Variants in IGHMBP2 observed in about 807,000 individuals in gnomAD.
The protein encoded by IGHMBP2 is immunoglobulin mu DNA binding protein 2.
A neutral mutation model predicts 96.0 loss-of-function variants in IGHMBP2; 81 were observed. The ratio of observed to expected loss-of-function variants is 0.84; its 90% CI spans 0.71 to 1.01. IGHMBP2 has a LOEUF of 1.01. IGHMBP2 is among the 50% of genes least tolerant of loss of function. IGHMBP2 has a pLI of 0.00. For missense variants in IGHMBP2, 1,227 were observed against 1,306.3 expected (o/e 0.94, Z 0.94); for synonymous variants, 557 against 548.9 (o/e 1.01, Z -0.21).
chr11:68,938,680 C>A (rs1859643125), intron 14 of IGHMBP2, among the ~76,000 whole-genome samples: 1 of 152,110 alleles, frequency 6.6e-6, no homozygotes, highest in South Asian at 2.1e-4. Context: ...GCAGAGCCTC[C>A]AGCCCGTCAT....
At chr11:68,919,415 A>C (rs1182469935) in intron 7 of IGHMBP2, among the ~76,000 whole-genome samples, 1 of 152,208 alleles carries the variant, frequency 6.6e-6, no homozygotes, top group African/African-American at 2.4e-5. Flanking sequence ...GGCTCCCTGC[A>C]TGTGCCACTG....
chr11:68,914,924 C>T lies in IGHMBP2; in HGVS notation c.813C>T (p.Leu271=), dbSNP rs199619824. 2 of 1,614,208 alleles carry T rather than the reference C, an allele frequency of 1.2e-6. No homozygotes were observed. The highest frequency in any genetic ancestry group is 2.2e-5 in the South Asian group (2 of 91,090). The part of the protein sequence containing the change: ...RILRLGHPAR[L]LESIQQHSLD... ...TGCGCCTGGGACACCCTGCCCGCCT[C>T]CTGGAGTCCATTCAGCAGCACTCCC... The change falls in exon 6 of 15, where the codon CTC becomes CTT. Residue 271 remains leucine, a synonymous_variant. Coordinates refer to ENST00000255078, the MANE Select transcript of IGHMBP2 (RefSeq NM_002180.3).
intron 5 of IGHMBP2, 51 bp from the exon 6 acceptor site, chr11:68,914,772 C>T (rs371171794): frequency 1.0e-5 from 16 of 1,590,114 alleles, no homozygotes; most frequent in Non-Finnish European, 1.4e-5. Context: ...GTGTCAACTT[C>T]AGTGGTTTGA....
In IGHMBP2 at chr11:68,939,751, C is replaced by G. The variant is rs1036563483; in HGVS notation, c.*20C>G. 15 of 1,589,038 alleles carry G rather than the reference C, an allele frequency of 9.4e-6. No homozygotes were observed. The highest frequency in any genetic ancestry group is 1.8e-4 in the Middle Eastern group (1 of 5,624). The stretch of plus-strand genomic sequence containing the variant: ...ACGTGACCGGCCGCATCCTTGCACG[C>G]CCCGCGGAGCTCTCTCCATGGTAGC... On this transcript the variant is annotated 3_prime_UTR_variant, in exon 15 of 15. Transcript: ENST00000255078.
At chr11:68,905,274 A>T (rs1267457352) in intron 1 of IGHMBP2, among the ~76,000 whole-genome samples, 3 of 152,180 alleles carry the variant, frequency 2.0e-5, no homozygotes, top group Non-Finnish European at 1.5e-5. Context: ...TGATCATGGC[A>T]ATGGAGAGCT....
Position 68,936,435 on chromosome 11 carries a change from C to T in IGHMBP2, c.1955C>T (p.Ser652Phe), listed in dbSNP as rs1210485546. The T allele has an allele frequency of 3.1e-6, 5 of 1,614,018 alleles. No homozygotes were observed. In the African/African-American group the frequency reaches 5.3e-5, roughly 17 times the overall value. ...GACGATATTGTCCCAGAAAACTATT[C>T]CCATGAGAACTCCCAGGGTTCCAGC... ...YLDDIVPENY[S>F]HENSQGSSHA... The change falls in exon 13 of 15, where the codon TCC becomes TTC. Residue 652 changes from serine to phenylalanine, a missense_variant. Ser to Phe is a radical substitution (Grantham distance 155). Around this residue, in one of 3 missense-constraint regions of IGHMBP2, gnomAD observed 703 missense variants for 770.3 expected, o/e 0.91. Transcript: ENST00000255078.
At position 68,935,408 on chromosome 11, in the gene IGHMBP2, G is replaced by C. The variant is rs1859487238; in HGVS notation, c.1742G>C (p.Arg581Thr). ...EKEAVILSFV[R>T]SNRKGEVGFL... ...GAGGCCGTGATACTGTCCTTCGTCA[G>C]ATCCAACAGGAAAGGTACGGAGCCC... Residue 581 changes from arginine (R) to threonine (T), a missense_variant, in exon 12 of 15, where the codon AGA (arginine) becomes ACA (threonine). Physicochemically the swap from Arg to Thr is moderately conservative, Grantham distance 71. This residue lies in a region of IGHMBP2 where 703 missense variants were observed against 770.3 expected (regional missense o/e 0.91). Coordinates refer to ENST00000255078, the MANE Select transcript of IGHMBP2 (RefSeq NM_002180.3). 4 of 1,614,092 alleles carry C rather than the reference G, an allele frequency of 2.5e-6. No homozygotes were observed. Among genetic ancestry groups the C allele is most frequent in the Non-Finnish European group, 3.4e-6 (4 of 1,180,044 alleles).
In IGHMBP2 at chr11:68,938,179, C is replaced by T. The variant is rs1859624455; in HGVS notation, c.2612-3C>T. 6 of 1,614,020 alleles carry T rather than the reference C, an allele frequency of 3.7e-6. No homozygotes were observed. Among genetic ancestry groups the T allele is most frequent in the Non-Finnish European group, 5.1e-6 (6 of 1,180,002 alleles). On this transcript the variant is annotated splice_polypyrimidine_tract_variant and splice_region_variant and intron_variant, in intron 13 of 14. Transcript: ENST00000255078. ...TTGCCTGAGTGACGCGGGTCTTCTC[C>T]AGGACATCCGGCCACAGATCTGCCC...
At position 68,914,998 on chromosome 11, in the gene IGHMBP2, T is replaced by A. The variant is rs375554721; in HGVS notation, c.887T>A (p.Ile296Asn). 3 of 1,613,988 alleles carry A rather than the reference T, an allele frequency of 1.9e-6. No individual in the cohort carries two copies. The highest frequency in any genetic ancestry group is 1.3e-5 in the African/African-American group (1 of 74,918). Residue 296 changes from isoleucine to asparagine, a missense_variant, in exon 6 of 15, where the codon ATC becomes AAC. Around this residue, in one of 3 missense-constraint regions of IGHMBP2, gnomAD observed 507 missense variants for 496.9 expected, o/e 1.02. Transcript: ENST00000255078. ...RSDSAQIVAD[I>N]RKDIDQVFVK... The stretch of plus-strand genomic sequence containing the variant: ...GACAGTGCCCAGATTGTTGCAGATA[T>A]CAGGAAGGACATCGACCAGGTCTTT...
intron 8 of IGHMBP2, chr11:68,932,509 A>G (rs989843599): frequency 6.6e-6 from 1 of 152,104 alleles, no homozygotes; most frequent in East Asian, 1.9e-4. Context: ...CCCTTCTTAC[A>G]TGTAATATGG....
Position 68,905,816 on chromosome 11 carries a change from A to T in IGHMBP2, c.87-253A>T, listed in dbSNP as rs535480380. ...GGGGCCTGATAGGACTTAGTGACAG[A>T]TGGGAGGAGAGAGGGGAATGCTGAT... On this transcript the variant is annotated intron_variant, in intron 1 of 14. Transcript: ENST00000255078. Among the ~76,000 whole-genome samples, 82 of 152,260 alleles carry T rather than the reference A, an allele frequency of 5.4e-4. 7 individuals are homozygous for T. Among genetic ancestry groups the T allele is most frequent in the Admixed American group, 4.8e-3 (73 of 15,282 alleles).
chr11:68,917,709 G>A, intron 6 of IGHMBP2, 27 bp from the exon 7 acceptor site: 1 of 1,589,434 alleles, frequency 6.3e-7, no homozygotes, highest in East Asian at 2.2e-5. Flanking sequence ...ACTGAAGTAA[G>A]TGTATCTCCT....
chr11:68,939,690 A>C lies in IGHMBP2; in HGVS notation c.2941A>C (p.Ser981Arg). ...GCTGGATAAGAAGCTGAGTGAGCTCAGCAACCAGAGGACCAGCCGGAGGAA... is the reference window on the plus strand; with the variant it reads ...GCTGGATAAGAAGCTGAGTGAGCTCCGCAACCAGAGGACCAGCCGGAGGAA... ...RRLDKKLSEL[S>R]NQRTSRRKER... The change falls in exon 15 of 15, where the codon AGC (serine) becomes CGC (arginine). Residue 981 changes from serine (S) to arginine (R), a missense_variant. Around this residue, in one of 3 missense-constraint regions of IGHMBP2, gnomAD observed 703 missense variants for 770.3 expected, o/e 0.91. Coordinates refer to ENST00000255078, the MANE Select transcript of IGHMBP2 (RefSeq NM_002180.3). 6.2e-7 allele frequency: 1 copy of C among 1,612,538 alleles called. No homozygotes were observed. The highest frequency in any genetic ancestry group is 8.5e-7 in the Non-Finnish European group (1 of 1,179,648).
chr11:68,913,256 T>C (rs189154696), intron 5 of IGHMBP2, among the ~76,000 whole-genome samples: 23 of 152,158 alleles, frequency 1.5e-4, no homozygotes, highest in Non-Finnish European at 2.6e-4. Context: ...AGATGACTTA[T>C]TGGAAGGGAG....
At chr11:68,916,370 C>T (rs552150834) in intron 6 of IGHMBP2, among the ~76,000 whole-genome samples, 2 of 152,266 alleles carry the variant, frequency 1.3e-5, no homozygotes, top group Admixed American at 6.5e-5. Flanking sequence ...TGGTAGGTTT[C>T]TTCCATTTGA....
chr11:68,933,052 C>T (rs1386610557), intron 8 of IGHMBP2: 3 of 574,836 alleles, frequency 5.2e-6, no homozygotes, highest in Non-Finnish European at 9.4e-6. Flanking sequence ...ATCCCAGGAT[C>T]CTTAACTTCA....
rs1004208027 is a variant in IGHMBP2, at chr11:68,937,993, A to T, written c.2612-189A>T. ...TTAGAATTAATAGAGACGGGGTCTCACTCTGTCACTATGTTGCCCAGGCTA... is the reference window on the plus strand; with the variant it reads ...TTAGAATTAATAGAGACGGGGTCTCTCTCTGTCACTATGTTGCCCAGGCTA... On this transcript the variant is annotated intron_variant, in intron 13 of 14. Coordinates refer to ENST00000255078, the MANE Select transcript of IGHMBP2 (RefSeq NM_002180.3). 7.6e-6 allele frequency: 5 copies of T among 655,700 alleles called. No homozygotes were observed. The East Asian group carries it at 1.4e-4, about 18-fold the overall frequency. The allele number at this position is 655,700 out of a possible 1,614,324, so 40.6% of individuals were successfully genotyped here. A position where few individuals can be genotyped will look rare whatever the true frequency, so the allele number is the denominator to read the frequency against.
intron 7 of IGHMBP2, chr11:68,926,340 G>A (rs1248926304): frequency 1.4e-5 from 2 of 138,354 alleles, no homozygotes; most frequent in Non-Finnish European, 3.0e-5. Flanking sequence ...GTGTGATCTC[G>A]GCCCACCGCG....
intron 10 of IGHMBP2, chr11:68,934,174 G>T (rs1026556523): frequency 1.6e-6 from 1 of 611,752 alleles, no homozygotes; most frequent in Non-Finnish European, 2.9e-6. Context: ...GGCTGGTCTG[G>T]TGATGGGAAC....
Sources: gnomAD v4.1 joint callset for allele counts (sites outside exome capture counted in the v4.1 genomes callset) on GRCh38, gnomAD v4.1.1 for gene constraint, gnomAD v4.1.1 regional missense constraint, MANE v1.5 for transcripts, NCBI Gene and HGNC (gene_info 2026-07-23, HGNC 2026-07-21) for gene names.